GALNT13: variants seen among roughly 807,000 people sequenced by gnomAD.
GALNT13 encodes polypeptide N-acetylgalactosaminyltransferase 13, also known as UDP-GalNAc:polypeptide N-acetylgalactosaminyltransferase 13.
A neutral mutation model predicts 64.2 loss-of-function variants in GALNT13; 28 were observed. The ratio of observed to expected loss-of-function variants is 0.44; its 90% CI spans 0.32 to 0.60. The LOEUF is 0.60. Ranked by LOEUF, GALNT13 falls within the 20% of genes least tolerant of loss-of-function variation. The pLI is 0.05. For missense variants in GALNT13, 577 were observed against 669.8 expected, an observed-to-expected ratio of 0.86 and a Z score of 1.53; for synonymous variants, 214 against 224.6, an observed-to-expected ratio of 0.95 and a Z score of 0.42.
At position 153,899,916 on chromosome 2, in the gene GALNT13, CATAT is replaced by C. The variant is rs869097034; in HGVS notation, c.-176-1003_-176-1000del. On this transcript the variant is annotated intron_variant, in intron 1 of 12. Transcript: ENST00000392825. ...CTGTATTTTTGAAGGGAGATATATA[CATAT>C]ATATATATATATATATTTTTTTTTT... Among the ~76,000 whole-genome samples the C allele has an allele frequency of 7.2e-3, 907 of 125,258 alleles. 34 individuals are homozygous for C. Among genetic ancestry groups the C allele is most frequent in the Middle Eastern group, 0.021 (5 of 236 alleles). The allele number at this position is 125,258 out of a possible 152,430, so 82.2% of individuals were successfully genotyped here. A position where few individuals can be genotyped will look rare whatever the true frequency, so the allele number is the denominator to read the frequency against.
At chr2:153,206,291 T>C in the GALNT13 span, among the ~76,000 whole-genome samples, 1 of 152,108 alleles carries the variant, frequency 6.6e-6, no homozygotes, top group Non-Finnish European at 1.5e-5. Flanking sequence ...AAGTTACTGA[T>C]ATATTGGCAG....
At chr2:153,791,230 T>C in the GALNT13 span, among the ~76,000 whole-genome samples, 1 of 152,142 alleles carries the variant, frequency 6.6e-6, no homozygotes, top group South Asian at 2.1e-4. Flanking sequence ...CAGCCTCTTC[T>C]CGAAAGAAGA....
At chr2:154,204,170 G>T (rs1260836549) in intron 4 of GALNT13, among the ~76,000 whole-genome samples, 4 of 152,138 alleles carry the variant, frequency 2.6e-5, no homozygotes, top group Non-Finnish European at 5.9e-5. Context: ...CATTAATAAA[G>T]TCTAAGTTCA....
chr2:153,407,574 A>G, the GALNT13 span, among the ~76,000 whole-genome samples: 1 of 152,184 alleles, frequency 6.6e-6, no homozygotes, highest in South Asian at 2.1e-4. Context: ...GACCCAAATC[A>G]TATATAACTT....
At chr2:153,801,176 T>C in the GALNT13 span, among the ~76,000 whole-genome samples, 6 of 152,188 alleles carry the variant, frequency 3.9e-5, no homozygotes, top group African/African-American at 1.4e-4. Flanking sequence ...TCAAACTTTC[T>C]TGATATTAGC....
the GALNT13 span, among the ~76,000 whole-genome samples, chr2:153,313,429 T>C: frequency 6.6e-6 from 1 of 151,924 alleles, no homozygotes. Context: ...CTATTTTCCT[T>C]AGCAAACTAA....
intron 8 of GALNT13, among the ~76,000 whole-genome samples, chr2:154,293,714 A>C (rs1347866110): frequency 6.6e-6 from 1 of 152,138 alleles, no homozygotes; most frequent in East Asian, 1.9e-4. Context: ...CCAAGTTCTT[A>C]ATGACTGGGT....
the GALNT13 span, among the ~76,000 whole-genome samples, chr2:153,297,276 A>G: frequency 1.3e-3 from 199 of 152,278 alleles, 6 homozygotes; most frequent in East Asian, 0.036. Context: ...TGAGCATTAA[A>G]CTCATATATC....
At chr2:153,714,324 A>C in the GALNT13 span, among the ~76,000 whole-genome samples, 127 of 152,330 alleles carry the variant, frequency 8.3e-4, 2 homozygotes, top group Admixed American at 7.3e-3. Flanking sequence ...AAGAGTTCTC[A>C]AAGTCAGTTA....
chr2:154,390,169 G>T (rs958175667), intron 9 of GALNT13, among the ~76,000 whole-genome samples: 3 of 152,096 alleles, frequency 2.0e-5, no homozygotes, highest in African/African-American at 7.2e-5. Context: ...TTTAAAACAT[G>T]ATTTCTCTAA....
At chr2:154,246,984 G>A (rs1461923549) in intron 7 of GALNT13, among the ~76,000 whole-genome samples, 1 of 151,722 alleles carries the variant, frequency 6.6e-6, no homozygotes. Flanking sequence ...AAGAATGTCT[G>A]GTAACCTACT....
chr2:154,341,722 GA>G (rs77217692), intron 9 of GALNT13, among the ~76,000 whole-genome samples: 23,211 of 151,894 alleles, frequency 0.15, 2,004 homozygotes, highest in Middle Eastern at 0.26. Flanking sequence ...TCCTGTTCTG[GA>G]AAAAGGAGTG....
chr2:154,122,957 G>A (rs1221287979), intron 3 of GALNT13, among the ~76,000 whole-genome samples: 2 of 151,842 alleles, frequency 1.3e-5, no homozygotes, highest in Non-Finnish European at 2.9e-5. Flanking sequence ...AAATGAAAAG[G>A]TACCTCACCT....
chr2:154,292,725 G>C (rs1374163277), intron 8 of GALNT13, among the ~76,000 whole-genome samples: 3 of 152,158 alleles, frequency 2.0e-5, no homozygotes, highest in Admixed American at 6.5e-5. Context: ...CTTCGTGCCA[G>C]AGGTAGTATG....
At chr2:154,128,699 A>G (rs930166153) in intron 3 of GALNT13, among the ~76,000 whole-genome samples, 1 of 152,136 alleles carries the variant, frequency 6.6e-6, no homozygotes, top group Non-Finnish European at 1.5e-5. Flanking sequence ...GTTTTGGTAG[A>G]ACATGGAGCT....
At chr2:153,610,534 G>A in the GALNT13 span, among the ~76,000 whole-genome samples, 1 of 152,036 alleles carries the variant, frequency 6.6e-6, no homozygotes, top group African/African-American at 2.4e-5. Flanking sequence ...AATTAGCCAG[G>A]CTTCATGGCG....
chr2:153,764,205 G>T, the GALNT13 span, among the ~76,000 whole-genome samples: 1 of 152,006 alleles, frequency 6.6e-6, no homozygotes, highest in Non-Finnish European at 1.5e-5. Context: ...ATGATTTAGG[G>T]TATCTGGTGG....
At chr2:153,249,852 C>A in the GALNT13 span, among the ~76,000 whole-genome samples, 1 of 152,192 alleles carries the variant, frequency 6.6e-6, no homozygotes, top group Non-Finnish European at 1.5e-5. Context: ...GAACTCCCTC[C>A]TTACACCTTA....
chr2:153,149,325 A>G, the GALNT13 span, among the ~76,000 whole-genome samples: 1 of 151,750 alleles, frequency 6.6e-6, no homozygotes, highest in Non-Finnish European at 1.5e-5. Context: ...TCCAAAGCCC[A>G]TACCTCTTGT....
Sources: gnomAD v4.1 joint callset for allele counts (sites outside exome capture counted in the v4.1 genomes callset) on GRCh38, gnomAD v4.1.1 for gene constraint, MANE v1.5 for transcripts, NCBI Gene and HGNC (gene_info 2026-07-23, HGNC 2026-07-21) for gene names.